The following PARD3 variants were observed in gnomAD, a reference collection of about 807,000 sequenced individuals.
PARD3 encodes par-3 family cell polarity regulator, also known as partitioning defective 3 homolog.
In PARD3, 75 loss-of-function variants were observed where a neutral mutation model predicts 155.4. That is an observed-to-expected ratio of 0.48 (90% CI 0.40 to 0.58). The LOEUF (loss-of-function observed/expected upper bound fraction) is 0.58, where lower values mean the gene tolerates loss of function less well. PARD3 is among the 20% of genes least tolerant of loss of function. The pLI is 0.00. For synonymous variants in PARD3, 576 were observed against 610.5 expected (o/e 0.94, Z 0.83); for missense variants, 1,642 against 1,721.7 (o/e 0.95, Z 0.82).
intron 23 of PARD3, among the ~76,000 whole-genome samples, chr10:34,125,606 C>T (rs7896615): frequency 0.081 from 12,282 of 152,296 alleles, 1,342 homozygotes; most frequent in African/African-American, 0.25. Flanking sequence ...TGTGCTATGA[C>T]TGCCTTGCCA....
chr10:34,451,418 T>C (rs946101492), intron 4 of PARD3, among the ~76,000 whole-genome samples: 1 of 152,190 alleles, frequency 6.6e-6, no homozygotes, highest in African/African-American at 2.4e-5. Flanking sequence ...GTAATCTGGC[T>C]ATAAGTATTA....
chr10:34,694,470 CTTT>C (rs34628015), intron 2 of PARD3, among the ~76,000 whole-genome samples: 1,126 of 101,884 alleles, frequency 0.011, 22 homozygotes, highest in African/African-American at 0.04. Context: ...AAAACTTCTG[CTTT>C]TTTTTTTTTT....
At chr10:34,690,035 C>T (rs1481554811) in intron 2 of PARD3, among the ~76,000 whole-genome samples, 4 of 152,186 alleles carry the variant, frequency 2.6e-5, no homozygotes, top group Non-Finnish European at 5.9e-5. Context: ...CCTCCGTCCC[C>T]TGGGTTCAAG....
chr10:34,736,641 T>TATTTATTA (rs1372323720), intron 1 of PARD3, among the ~76,000 whole-genome samples: 2 of 127,028 alleles, frequency 1.6e-5, no homozygotes, highest in East Asian at 2.1e-4. Flanking sequence ...TAGGTTACTT[T>TATTTATTA]ATTAATTAAT....
At chr10:34,640,634 G>A (rs1199228749) in intron 2 of PARD3, among the ~76,000 whole-genome samples, 2 of 147,770 alleles carry the variant, frequency 1.4e-5, no homozygotes, top group East Asian at 2.0e-4. Context: ...GCTTGAAACC[G>A]GGAGGTGGAG....
chr10:34,462,915 G>C (rs1564741455), intron 4 of PARD3, among the ~76,000 whole-genome samples: 2 of 120,802 alleles, frequency 1.7e-5, no homozygotes, highest in African/African-American at 6.4e-5. Context: ...GGAGAGGAGG[G>C]GAGAGGGGAG....
At chr10:34,758,827 G>A (rs1467117885) in intron 1 of PARD3, among the ~76,000 whole-genome samples, 1 of 152,212 alleles carries the variant, frequency 6.6e-6, no homozygotes, top group African/African-American at 2.4e-5. Context: ...GGTGACGGAT[G>A]ACAAGGAAGG....
At chr10:34,333,816 T>C (rs1221116877) in intron 18 of PARD3, among the ~76,000 whole-genome samples, 1 of 152,050 alleles carries the variant, frequency 6.6e-6, no homozygotes, top group Non-Finnish European at 1.5e-5. Flanking sequence ...CGATTTATAA[T>C]ATGAGTAACA....
At chr10:34,257,484 G>A (rs1301023462) in intron 22 of PARD3, among the ~76,000 whole-genome samples, 1 of 152,176 alleles carries the variant, frequency 6.6e-6, no homozygotes, top group African/African-American at 2.4e-5. Context: ...TTGTTAGAAG[G>A]CTAAAATTGA....
At chr10:34,685,039 C>A (rs535896481) in intron 2 of PARD3, among the ~76,000 whole-genome samples, 1 of 152,072 alleles carries the variant, frequency 6.6e-6, no homozygotes, top group African/African-American at 2.4e-5. Flanking sequence ...AAATTATTCA[C>A]GCACTCTGGT....
intron 12 of PARD3, among the ~76,000 whole-genome samples, chr10:34,364,796 A>T (rs1839810958): frequency 6.6e-6 from 1 of 152,210 alleles, no homozygotes. Context: ...TAACAAAAAG[A>T]TAAGCAGTCT....
At position 34,382,574 on chromosome 10, in the gene PARD3, T is replaced by G. The variant is rs1008361327; in HGVS notation, c.1365A>C (p.Lys455Asn). The change falls in exon 9 of 25, where the codon AAA becomes AAC. Residue 455 changes from lysine (K) to asparagine (N), a missense_variant. Physicochemically the swap from Lys to Asn is moderately conservative, Grantham distance 94. Coordinates refer to ENST00000374788, the MANE Select transcript of PARD3 (RefSeq NM_001184785.2). ...GCTGGATATTAAGCCTCTTGCCTATTTTTTTGGTGTTATAACCACTGCTTA... is the reference window on the plus strand; with the variant it reads ...GCTGGATATTAAGCCTCTTGCCTATGTTTTTGGTGTTATAACCACTGCTTA... Reference protein sequence around the residue: ...TTVSSGYNTKKIGKRLNIQLK... With the variant: ...TTVSSGYNTKNIGKRLNIQLK... The G allele has an allele frequency of 2.4e-5, 39 of 1,613,306 alleles. No individual in the cohort carries two copies. The highest frequency in any genetic ancestry group is 3.1e-5 in the Non-Finnish European group (37 of 1,179,972).
intron 2 of PARD3, among the ~76,000 whole-genome samples, chr10:34,593,411 C>T (rs2088913654): frequency 6.6e-6 from 1 of 152,084 alleles, no homozygotes; most frequent in South Asian, 2.1e-4. Flanking sequence ...ATGACAGACA[C>T]AAATAAACCA....
At chr10:34,778,974 T>C (rs767291859) in intron 1 of PARD3, among the ~76,000 whole-genome samples, 1 of 152,184 alleles carries the variant, frequency 6.6e-6, no homozygotes, top group Non-Finnish European at 1.5e-5. Context: ...GTATATTTAG[T>C]TGTTCAGTAT....
chr10:34,626,863 C>CACG (rs1366386762), intron 2 of PARD3, among the ~76,000 whole-genome samples: 2 of 152,166 alleles, frequency 1.3e-5, no homozygotes, highest in African/African-American at 4.8e-5. Context: ...TCATAACCAC[C>CACG]ACGACCCACA....
intron 2 of PARD3, among the ~76,000 whole-genome samples, chr10:34,601,438 C>G (rs1435026451): frequency 6.6e-6 from 1 of 152,050 alleles, no homozygotes; most frequent in South Asian, 2.1e-4. Context: ...GAGAACCCGT[C>G]GTTCATTCAT....
chr10:34,716,192 G>C (rs2094516929), intron 1 of PARD3, among the ~76,000 whole-genome samples: 1 of 152,204 alleles, frequency 6.6e-6, no homozygotes, highest in South Asian at 2.1e-4. Flanking sequence ...CATTTGAAAT[G>C]TAATGCGTGT....
Position 34,787,865 on chromosome 10 carries a change from C to T in PARD3, c.120+27011G>A, listed in dbSNP as rs147723344. Among the ~76,000 whole-genome samples the T allele has an allele frequency of 6.4e-3, 963 of 151,446 alleles. 7 individuals carry two copies. Among genetic ancestry groups the T allele is most frequent in the Admixed American group, 8.4e-3 (128 of 15,186 alleles). On this transcript the variant is annotated intron_variant, in intron 1 of 24. Transcript: ENST00000374788. ...GCGCAACCAGAGCTCTCTGCAGCCT[C>T]AAACTCCTAGGCTCAAGCAATTCTC...
At chr10:34,718,820 C>T (rs1158217068) in intron 1 of PARD3, among the ~76,000 whole-genome samples, 3 of 152,018 alleles carry the variant, frequency 2.0e-5, no homozygotes, top group Admixed American at 6.6e-5. Context: ...AAAAATTAGC[C>T]GGGCGTGGTG....
Sources: gnomAD v4.1 joint callset for allele counts (sites outside exome capture counted in the v4.1 genomes callset) on GRCh38, gnomAD v4.1.1 for gene constraint, MANE v1.5 for transcripts, NCBI Gene and HGNC (gene_info 2026-07-23, HGNC 2026-07-21) for gene names.